The following SLC8A1 variants were observed in gnomAD, a reference collection of about 807,000 sequenced individuals.
SLC8A1 encodes the protein solute carrier family 8 member A1, also known as sodium/calcium exchanger 1.
In SLC8A1, 18 loss-of-function variants were observed where a neutral mutation model predicts 68.3. The ratio of observed to expected loss-of-function variants is 0.26; its 90% confidence interval spans 0.18 to 0.39. SLC8A1 has a LOEUF of 0.39. Ranked by LOEUF, SLC8A1 falls within the 10% of genes least tolerant of loss-of-function variation. The pLI, the probability that SLC8A1 is intolerant of heterozygous loss-of-function variation, is 1.00. For synonymous variants in SLC8A1, 475 were observed against 415.5 expected, an observed-to-expected ratio of 1.14 and a Z score of -1.74; for missense variants, 985 against 1,156.7, an observed-to-expected ratio of 0.85 and a Z score of 2.15.
chr2:40,486,552 T>A (rs1375754879), intron 1 of SLC8A1, among the ~76,000 whole-genome samples: 1 of 152,170 alleles, frequency 6.6e-6, no homozygotes, highest in Non-Finnish European at 1.5e-5. Flanking sequence ...TTTATAAACA[T>A]GACACTCTGT....
At chr2:40,420,202 C>G (rs566888621) in intron 2 of SLC8A1, among the ~76,000 whole-genome samples, 33 of 152,244 alleles carry the variant, frequency 2.2e-4, no homozygotes, top group African/African-American at 7.0e-4. Flanking sequence ...ATGCAGGTCA[C>G]TTATTCTAGG....
intron 1 of SLC8A1, among the ~76,000 whole-genome samples, chr2:40,495,812 A>G (rs1450577878): frequency 6.6e-6 from 1 of 152,056 alleles, no homozygotes; most frequent in Non-Finnish European, 1.5e-5. Flanking sequence ...TTTTGCTTGC[A>G]GTCTCCAGGC....
chr2:40,284,084 C>G (rs941618227), intron 2 of SLC8A1, among the ~76,000 whole-genome samples: 5 of 151,946 alleles, frequency 3.3e-5, no homozygotes, highest in African/African-American at 1.2e-4. Context: ...TTTAAAAAAC[C>G]TATTTCTTAT....
intron 2 of SLC8A1, among the ~76,000 whole-genome samples, chr2:40,312,729 T>C (rs1017013051): frequency 6.6e-6 from 1 of 152,106 alleles, no homozygotes; most frequent in East Asian, 1.9e-4. Context: ...AAGTTCCTAC[T>C]TTTAGATTTG....
At chr2:40,205,663 A>G (rs1317815786) in intron 2 of SLC8A1, among the ~76,000 whole-genome samples, 2 of 151,976 alleles carry the variant, frequency 1.3e-5, no homozygotes, top group African/African-American at 4.8e-5. Context: ...GGAAGGTGGG[A>G]GGAGAGAGAG....
chr2:40,399,906 G>A (rs1015896088), intron 2 of SLC8A1, among the ~76,000 whole-genome samples: 14 of 152,196 alleles, frequency 9.2e-5, no homozygotes, highest in African/African-American at 2.4e-4. Flanking sequence ...CAAGCAGACC[G>A]CCCGGCGCCA....
intron 2 of SLC8A1, among the ~76,000 whole-genome samples, chr2:40,413,225 C>T (rs973220515): frequency 2.0e-5 from 3 of 152,144 alleles, no homozygotes; most frequent in Non-Finnish European, 4.4e-5. Context: ...CTAGAAATAC[C>T]ATTTGGCCCA....
At chr2:40,217,851 C>T (rs533997475) in intron 2 of SLC8A1, among the ~76,000 whole-genome samples, 1 of 152,232 alleles carries the variant, frequency 6.6e-6, no homozygotes, top group East Asian at 1.9e-4. Flanking sequence ...GGCAACAGAA[C>T]TAGGGTTAGA....
chr2:40,471,460 C>G (rs1159299871), intron 1 of SLC8A1, among the ~76,000 whole-genome samples: 2 of 152,144 alleles, frequency 1.3e-5, no homozygotes, highest in Non-Finnish European at 2.9e-5. Flanking sequence ...TGTCTAAACT[C>G]TCATGGCATT....
intron 1 of SLC8A1, among the ~76,000 whole-genome samples, chr2:40,487,421 A>T (rs1245292993): frequency 6.6e-6 from 1 of 152,124 alleles, no homozygotes. Context: ...TCTCTTTTTT[A>T]AAAATTCTAC....
intron 2 of SLC8A1, among the ~76,000 whole-genome samples, chr2:40,349,935 A>C (rs1005364950): frequency 2.6e-5 from 4 of 152,146 alleles, no homozygotes; most frequent in Non-Finnish European, 5.9e-5. Context: ...CAGTAATATT[A>C]ATATTAAAAT....
chr2:40,348,787 A>G lies in SLC8A1; in HGVS notation c.1808+79686T>C, dbSNP rs1670147982. On this transcript the variant is annotated intron_variant, in intron 2 of 7. Transcript: ENST00000406785. ...CACCAGAAAGACAGAGGGAAGCGGT[A>G]TTCAGTCTGGAGGAAAGAAGTGGGT... Among the ~76,000 whole-genome samples, 4 of 152,172 alleles carry G rather than the reference A, an allele frequency of 2.6e-5. No homozygotes were observed. The South Asian group carries it at 8.3e-4, about 32-fold the overall frequency.
At position 40,195,449 on chromosome 2, in the gene SLC8A1, C is replaced by T. The variant is rs1330677166; in HGVS notation, c.1809-17594G>A. On this transcript the variant is annotated intron_variant, in intron 2 of 7. Coordinates refer to ENST00000406785, the Ensembl canonical transcript of SLC8A1. ...GCTGAGAAAATTGGTTGGGATCAGT[C>T]CAGACTTGTGGAGAACTGGAGGAAA... is the stretch of plus-strand genomic sequence containing the variant. 2.0e-5 allele frequency among the ~76,000 whole-genome samples: 3 copies of T among 151,496 alleles called. No individual in the cohort carries two copies. The East Asian group carries it at 5.8e-4, about 29-fold the overall frequency.
chr2:40,210,895 G>T (rs1380399601), intron 2 of SLC8A1, among the ~76,000 whole-genome samples: 1 of 152,124 alleles, frequency 6.6e-6, no homozygotes, highest in Non-Finnish European at 1.5e-5. Context: ...ATGTATATAA[G>T]GTATCATTAA....
chr2:40,278,422 T>C (rs1412437079), intron 2 of SLC8A1, among the ~76,000 whole-genome samples: 1 of 152,032 alleles, frequency 6.6e-6, no homozygotes, highest in Non-Finnish European at 1.5e-5. Context: ...TGAGCCAAGA[T>C]CGCGCCACTG....
chr2:40,474,141 T>G (rs1215763229), intron 1 of SLC8A1, among the ~76,000 whole-genome samples: 3 of 152,202 alleles, frequency 2.0e-5, no homozygotes, highest in Non-Finnish European at 2.9e-5. Context: ...TCATTGACTC[T>G]CATGACACTG....
At chr2:40,174,193 ATAT>A (rs2048051862) in intron 4 of SLC8A1, among the ~76,000 whole-genome samples, 1 of 151,990 alleles carries the variant, frequency 6.6e-6, no homozygotes, top group Non-Finnish European at 1.5e-5. Flanking sequence ...GCTCAACATG[ATAT>A]TATATTATGT....
chr2:40,406,876 T>C (rs989684300), intron 2 of SLC8A1, among the ~76,000 whole-genome samples: 1 of 152,212 alleles, frequency 6.6e-6, no homozygotes, highest in Non-Finnish European at 1.5e-5. Flanking sequence ...ATTCCCCCTA[T>C]CTACGTCACA....
In SLC8A1 at chr2:40,212,281, A is replaced by ATGTTTTTTTTT. The variant is rs371395367; in HGVS notation, c.1809-34427_1809-34426insAAAAAAAAACA. On this transcript the variant is annotated intron_variant, in intron 2 of 7. Coordinates refer to ENST00000406785, the Ensembl canonical transcript of SLC8A1. ...AGGTGCTAAACAGAAGAGATGCAAT[A>ATGTTTTTTTTT]TCTTTTTTTTTTTTTTTTTTCCTGA... Among the ~76,000 whole-genome samples the ATGTTTTTTTTT allele has an allele frequency of 2.6e-4, 31 of 118,230 alleles. 6 individuals carry two copies. The highest frequency in any genetic ancestry group is 4.3e-4 in the East Asian group (2 of 4,610). 77.6% of individuals were successfully genotyped at this position (118,230 alleles called of 152,430 possible). A position where few individuals can be genotyped will look rare whatever the true frequency, so the allele number is the denominator to read the frequency against.
Sources: allele counts gnomAD v4.1 joint callset (sites outside exome capture counted in the v4.1 genomes callset), GRCh38; gene constraint gnomAD v4.1.1; transcripts MANE v1.5; gene names NCBI Gene and HGNC (gene_info 2026-07-23, HGNC 2026-07-21).